PHACTR4: variants seen among roughly 807,000 people sequenced by gnomAD.
PHACTR4 encodes phosphatase and actin regulator 4.
PHACTR4 carries 51 observed loss-of-function variants against 72.7 expected under a neutral mutation model. The ratio of observed to expected loss-of-function variants is 0.70; its 90% CI spans 0.56 to 0.89. The LOEUF (loss-of-function observed/expected upper bound fraction) is 0.89, where lower values mean the gene tolerates loss of function less well. Among genes scored for constraint, PHACTR4 ranks in the 40% least tolerant of loss-of-function variants. The pLI, the probability that PHACTR4 is intolerant of heterozygous loss-of-function variation, is 0.00. For synonymous variants in PHACTR4, 255 were observed against 302.5 expected, an observed-to-expected ratio of 0.84 and a Z score of 1.63; for missense variants, 731 against 861.8, an observed-to-expected ratio of 0.85 and a Z score of 1.90.
intron 1 of PHACTR4, among the ~76,000 whole-genome samples, chr1:28,397,282 A>G (rs1392816668): frequency 6.6e-6 from 1 of 152,192 alleles, no homozygotes; most frequent in Non-Finnish European, 1.5e-5. Context: ...AAAGATGAGT[A>G]TTATTAATCC....
intron 2 of PHACTR4, among the ~76,000 whole-genome samples, chr1:28,440,030 G>A (rs867620044): frequency 1.2e-4 from 18 of 152,186 alleles, no homozygotes; most frequent in South Asian, 2.1e-4. Flanking sequence ...GGCCGGGCGC[G>A]GTGGCTCACG....
chr1:28,488,695 G>GA (rs919367867), intron 9 of PHACTR4, among the ~76,000 whole-genome samples: 41 of 148,968 alleles, frequency 2.8e-4, no homozygotes, highest in African/African-American at 9.3e-4. Context: ...GAAGTTTTGT[G>GA]AAAAAAAAAA....
At chr1:28,382,184 C>T (rs1238450567) in intron 1 of PHACTR4, among the ~76,000 whole-genome samples, 11 of 152,206 alleles carry the variant, frequency 7.2e-5, no homozygotes, top group Non-Finnish European at 1.3e-4. Context: ...AATTTTCTCC[C>T]ATTCTGTAGG....
chr1:28,391,162 G>A (rs1221806236), intron 1 of PHACTR4, among the ~76,000 whole-genome samples: 1 of 150,786 alleles, frequency 6.6e-6, no homozygotes, highest in Non-Finnish European at 1.5e-5. Context: ...CACTTTGGGA[G>A]GCCGAGGCAG....
At chr1:28,471,354 G>GA (rs2124497260) in intron 6 of PHACTR4, among the ~76,000 whole-genome samples, 1 of 151,964 alleles carries the variant, frequency 6.6e-6, no homozygotes, top group East Asian at 1.9e-4. Flanking sequence ...TCTCAAAAAA[G>GA]AAAAAAATAA....
chr1:28,407,267 ATCATT>A, intron 1 of PHACTR4, 138 bp from the exon 2 acceptor site: 1 of 396,662 alleles, frequency 2.5e-6, no homozygotes, highest in Non-Finnish European at 4.4e-6. Context: ...AAAAAAAACT[ATCATT>A]TAATAAGTTG....
At chr1:28,401,761 T>C (rs1653964338) in intron 1 of PHACTR4, among the ~76,000 whole-genome samples, 1 of 152,110 alleles carries the variant, frequency 6.6e-6, no homozygotes, top group Non-Finnish European at 1.5e-5. Flanking sequence ...ACCACGCTCA[T>C]CTAATTTTTA....
intron 2 of PHACTR4, among the ~76,000 whole-genome samples, chr1:28,438,735 C>T (rs538734077): frequency 3.0e-4 from 45 of 151,910 alleles, no homozygotes; most frequent in South Asian, 2.1e-3. Flanking sequence ...AATTTCTTGC[C>T]GTTACTAAAG....
chr1:28,454,006 A>C, intron 2 of PHACTR4: 3 of 433,968 alleles, frequency 6.9e-6, no homozygotes, highest in East Asian at 5.7e-5. Flanking sequence ...CCTTGAGCTC[A>C]GGGGTTTGAG....
rs61748637 is a variant in PHACTR4, at chr1:28,466,638, C to G, written c.693C>G (p.Pro231=). ...VNLSVTPSPA[P]RTLPAAPAST... ...TCTCTGTCACCCCTTCCCCAGCACC[C>G]AGGACTCTGCCTGCTGCTCCTGCCA... Residue 231 remains proline (P), a synonymous_variant, in exon 6 of 14, where the codon CCC becomes CCG. Transcript: ENST00000373839. The G allele has an allele frequency of 0.067, 107,973 of 1,613,946 alleles. 3,962 individuals carry two copies. The highest frequency in any genetic ancestry group is 0.086 in the East Asian group (3,879 of 44,878).
intron 1 of PHACTR4, among the ~76,000 whole-genome samples, chr1:28,393,699 ATATTTTTATTT>A (rs1253130856): frequency 6.6e-6 from 1 of 151,838 alleles, no homozygotes; most frequent in Non-Finnish European, 1.5e-5. Flanking sequence ...ACACACACAC[ATATTTTTATTT>A]TATTTTTATT....
chr1:28,387,478 C>T (rs1334347299), intron 1 of PHACTR4, among the ~76,000 whole-genome samples: 1 of 152,128 alleles, frequency 6.6e-6, no homozygotes, highest in Non-Finnish European at 1.5e-5. Context: ...GGACTTTCTT[C>T]TTCCTTTTAC....
At chr1:28,455,777 G>A (rs1658345298) in intron 2 of PHACTR4, among the ~76,000 whole-genome samples, 1 of 152,156 alleles carries the variant, frequency 6.6e-6, no homozygotes, top group South Asian at 2.1e-4. Flanking sequence ...GTCCTGGAGA[G>A]TAGGAAAAAG....
intron 2 of PHACTR4, among the ~76,000 whole-genome samples, chr1:28,423,958 G>A (rs915014379): frequency 6.6e-6 from 1 of 152,084 alleles, no homozygotes; most frequent in African/African-American, 2.4e-5. Context: ...TAACAGAGTA[G>A]ATAAATTTGA....
intron 1 of PHACTR4, among the ~76,000 whole-genome samples, chr1:28,392,057 T>C (rs1653092815): frequency 6.6e-6 from 1 of 152,174 alleles, no homozygotes; most frequent in Admixed American, 6.5e-5. Flanking sequence ...CTCCCCCTTA[T>C]CCACAGTTTT....
In PHACTR4 at chr1:28,404,590, A is replaced by G. The variant is rs141157414; in HGVS notation, c.-38-2820A>G. Among the ~76,000 whole-genome samples, 177 of 152,166 alleles carry G rather than the reference A, an allele frequency of 1.2e-3. 1 individual carries two copies. Among genetic ancestry groups the G allele is most frequent in the Non-Finnish European group, 1.5e-3 (103 of 67,996 alleles). On this transcript the variant is annotated intron_variant, in intron 1 of 13. Transcript: ENST00000373839. ...GAGCCACCGCACCTGGCCTTGACAT[A>G]TGTTTTTATTTCTCTTGGATATATA...
intron 1 of PHACTR4, among the ~76,000 whole-genome samples, chr1:28,375,149 A>G (rs1045707356): frequency 2.0e-5 from 3 of 152,122 alleles, no homozygotes; most frequent in Admixed American, 6.5e-5. Context: ...AAATAAAACA[A>G]TTAGCTGGGG....
At chr1:28,389,183 G>C (rs1316910855) in intron 1 of PHACTR4, among the ~76,000 whole-genome samples, 1 of 151,972 alleles carries the variant, frequency 6.6e-6, no homozygotes, top group Admixed American at 6.6e-5. Context: ...TTTAAAATGG[G>C]CAAAAGATCT....
At chr1:28,375,301 C>A (rs1651559903) in intron 1 of PHACTR4, among the ~76,000 whole-genome samples, 1 of 145,336 alleles carries the variant, frequency 6.9e-6, no homozygotes, top group Non-Finnish European at 1.5e-5. Flanking sequence ...TCCATCCTCC[C>A]ACCACCCCTG....
Sources: gnomAD v4.1 joint callset for allele counts (sites outside exome capture counted in the v4.1 genomes callset) on GRCh38, gnomAD v4.1.1 for gene constraint, MANE v1.5 for transcripts, NCBI Gene and HGNC (gene_info 2026-07-23, HGNC 2026-07-21) for gene names.